Variants in XKR9 observed in about 807,000 individuals in gnomAD.
XKR9 encodes the protein XK related 9, also known as XK-related protein 9.
A neutral mutation model predicts 32.0 loss-of-function variants in XKR9; 32 were observed. That is an observed-to-expected ratio of 1.00 (90% CI 0.76 to 1.34). The LOEUF (loss-of-function observed/expected upper bound fraction) is 1.34, where lower values mean the gene tolerates loss of function less well. Ranked by LOEUF, XKR9 falls within the 40% of genes most tolerant of loss-of-function variation. The probability of loss-of-function intolerance (pLI) is 0.00; values close to 1 mark genes in which losing one functional copy is unlikely to be tolerated. For missense variants in XKR9, 546 were observed against 429.7 expected (o/e 1.27, Z -2.39); for synonymous variants, 168 against 143.4 (o/e 1.17, Z -1.22).
intron 2 of XKR9, among the ~76,000 whole-genome samples, chr8:70,755,952 G>C (rs1273985147): frequency 6.6e-6 from 1 of 151,864 alleles, no homozygotes; most frequent in Non-Finnish European, 1.5e-5. Context: ...TATTCAAAAA[G>C]GTCATAAAGA....
At chr8:70,910,756 G>A in the XKR9 span, among the ~76,000 whole-genome samples, 1 of 152,188 alleles carries the variant, frequency 6.6e-6, no homozygotes, top group Non-Finnish European at 1.5e-5. Context: ...AGTCTCACAA[G>A]GCTAAAATCA....
chr8:71,019,713 A>C, the XKR9 span, among the ~76,000 whole-genome samples: 1 of 152,236 alleles, frequency 6.6e-6, no homozygotes, highest in Non-Finnish European at 1.5e-5. Context: ...AATTCTCACC[A>C]GTCATTATTT....
chr8:70,758,751 C>T (rs562126338), intron 2 of XKR9, among the ~76,000 whole-genome samples: 1 of 152,270 alleles, frequency 6.6e-6, no homozygotes, highest in South Asian at 2.1e-4. Flanking sequence ...TAGAGTAGTT[C>T]AATAGCTAGC....
the XKR9 span, among the ~76,000 whole-genome samples, chr8:71,035,745 A>T: frequency 2.2e-4 from 33 of 152,184 alleles, no homozygotes; most frequent in African/African-American, 7.7e-4. Context: ...CCAAATATGG[A>T]ACCTTAGTAT....
chr8:70,717,034 C>A (rs1806116342), intron 4 of XKR9, among the ~76,000 whole-genome samples: 1 of 152,208 alleles, frequency 6.6e-6, no homozygotes, highest in Non-Finnish European at 1.5e-5. Context: ...CTGAAATGAT[C>A]TCCTTTGACT....
the XKR9 span, among the ~76,000 whole-genome samples, chr8:71,048,238 A>T: frequency 6.6e-6 from 1 of 152,216 alleles, no homozygotes; most frequent in African/African-American, 2.4e-5. Flanking sequence ...TTAAGTAATA[A>T]AACTACTTGA....
At chr8:70,794,078 T>G (rs1462871388), downstream of XKR9, among the ~76,000 whole-genome samples, 1 of 152,098 alleles carries the variant, frequency 6.6e-6, no homozygotes. Context: ...CATCTTATGT[T>G]AAATGACAAC....
At chr8:70,788,782 A>G (rs2130265536) in intron 2 of XKR9, among the ~76,000 whole-genome samples, 1 of 152,240 alleles carries the variant, frequency 6.6e-6, no homozygotes, top group South Asian at 2.1e-4. Flanking sequence ...ATAATGTTTA[A>G]CAAAAATTTG....
chr8:71,035,721 C>T, the XKR9 span, among the ~76,000 whole-genome samples: 3 of 152,118 alleles, frequency 2.0e-5, no homozygotes, highest in African/African-American at 7.2e-5. Flanking sequence ...TGACATGTTT[C>T]AGCATATGCT....
At chr8:70,844,144 G>T in the XKR9 span, among the ~76,000 whole-genome samples, 1 of 152,204 alleles carries the variant, frequency 6.6e-6, no homozygotes, top group Admixed American at 6.5e-5. Flanking sequence ...ACCAGGGAAA[G>T]TTACCACAGA....
chr8:70,882,721 C>A, the XKR9 span, among the ~76,000 whole-genome samples: 3 of 151,964 alleles, frequency 2.0e-5, no homozygotes, highest in African/African-American at 4.8e-5. Flanking sequence ...ACATAGTGCA[C>A]TAGTGTTGTA....
intron 4 of XKR9, among the ~76,000 whole-genome samples, chr8:70,720,282 C>A (rs550243720): frequency 1.3e-5 from 2 of 152,184 alleles, no homozygotes; most frequent in East Asian, 3.9e-4. Flanking sequence ...CATTTGAATA[C>A]CCTTTATTTC....
chr8:70,669,754 C>T (rs1438625694), intron 1 of XKR9, among the ~76,000 whole-genome samples: 1 of 151,460 alleles, frequency 6.6e-6, no homozygotes, highest in African/African-American at 2.4e-5. Context: ...GCAAGCCCCG[C>T]CTCCCGGGTT....
intron 4 of XKR9, among the ~76,000 whole-genome samples, chr8:70,732,968 G>A (rs13269281): frequency 0.68 from 102,543 of 151,892 alleles, 35,114 homozygotes; most frequent in Admixed American, 0.74. Context: ...AAATACAGAA[G>A]TTAGCTTGGT....
At chr8:70,967,767 A>G in the XKR9 span, among the ~76,000 whole-genome samples, 17 of 151,786 alleles carry the variant, frequency 1.1e-4, no homozygotes, top group African/African-American at 4.1e-4. Flanking sequence ...TTGGCTCCCA[A>G]TCTCTTCTGG....
the XKR9 span, among the ~76,000 whole-genome samples, chr8:70,916,428 A>G: frequency 1.3e-5 from 2 of 152,116 alleles, no homozygotes; most frequent in East Asian, 1.9e-4. Context: ...GTGTATATGG[A>G]TCTGTTTCTC....
chr8:70,736,235 T>C (rs1806859191), downstream of XKR9, among the ~76,000 whole-genome samples: 1 of 152,226 alleles, frequency 6.6e-6, no homozygotes. Context: ...CATTTTTTCA[T>C]GTGTTTTTTG....
chr8:70,694,763 T>A (rs900209817), intron 3 of XKR9, among the ~76,000 whole-genome samples: 3 of 152,232 alleles, frequency 2.0e-5, no homozygotes, highest in African/African-American at 4.8e-5. Context: ...AAATGGGGCC[T>A]GTGGGCTGTT....
At chr8:70,779,519 G>A (rs1383420057) in intron 2 of XKR9, among the ~76,000 whole-genome samples, 13 of 152,100 alleles carry the variant, frequency 8.5e-5, no homozygotes, top group African/African-American at 1.9e-4. Flanking sequence ...GAATAGTTTC[G>A]GAAGGAATGG....
Sources: allele counts gnomAD v4.1 joint callset (sites outside exome capture counted in the v4.1 genomes callset), GRCh38; gene constraint gnomAD v4.1.1; transcripts MANE v1.5; gene names NCBI Gene and HGNC (gene_info 2026-07-23, HGNC 2026-07-21).